The following EHF variants were observed in gnomAD, a reference collection of about 807,000 sequenced individuals.
The protein encoded by EHF is ETS homologous factor.
A neutral mutation model predicts 45.1 loss-of-function variants in EHF; 14 were observed. The observed-to-expected ratio is 0.31, with a 90% CI of 0.21 to 0.49. The LOEUF (loss-of-function observed/expected upper bound fraction) is 0.49, where lower values mean the gene tolerates loss of function less well. Among genes scored for constraint, EHF ranks in the 20% least tolerant of loss-of-function variants. The pLI, the probability that EHF is intolerant of heterozygous loss-of-function variation, is 0.99. For synonymous variants in EHF, 136 were observed against 131.8 expected (o/e 1.03, Z -0.22); for missense variants, 282 against 371.4 (o/e 0.76, Z 1.98).
chr11:34,660,687 C>T lies in EHF; in HGVS notation c.*1756C>T, dbSNP rs1447730728. On this transcript the variant is annotated 3_prime_UTR_variant, in exon 9 of 9. Coordinates refer to ENST00000257831, the MANE Select transcript of EHF (RefSeq NM_012153.6). ...CTTTTCTTTTTGGCTCTCTCATGTCCTTGGCTTGCTCCTCTATTCTACCTC... is the reference window on the plus strand; with the variant it reads ...CTTTTCTTTTTGGCTCTCTCATGTCTTTGGCTTGCTCCTCTATTCTACCTC... The T allele has an allele frequency of 2.0e-5, 3 of 152,094 alleles. No homozygotes were observed. In the East Asian group the frequency reaches 5.8e-4, roughly 29 times the overall value. The allele number at this position is 152,094 out of a possible 1,614,324, so 9.4% of individuals were successfully genotyped here. A position where few individuals can be genotyped will look rare whatever the true frequency, so the allele number is the denominator to read the frequency against.
chr11:34,652,761 T>G (rs1425628172), intron 6 of EHF, among the ~76,000 whole-genome samples: 1 of 152,202 alleles, frequency 6.6e-6, no homozygotes, highest in African/African-American at 2.4e-5. Flanking sequence ...TGTTTTTGCT[T>G]TTGAGAACTG....
chr11:34,637,970 C>T lies in EHF; in HGVS notation c.-3-4658C>T, dbSNP rs917713005. Reference sequence around the variant, plus strand: ...AGGCTGGAGTACAGTGGCTCGAGCTCGGCTCGCTGCAACCTCTGACTCCTG... The same window carrying T: ...AGGCTGGAGTACAGTGGCTCGAGCTTGGCTCGCTGCAACCTCTGACTCCTG... On this transcript the variant is annotated intron_variant, in intron 1 of 8. Transcript: ENST00000257831. Among the ~76,000 whole-genome samples the T allele has an allele frequency of 4.3e-4, 65 of 150,790 alleles. No individual in the cohort carries two copies. The East Asian group carries it at 6.8e-3, about 16-fold the overall frequency.
intron 2 of EHF, among the ~76,000 whole-genome samples, chr11:34,643,852 TG>T (rs1346774683): frequency 6.6e-6 from 1 of 152,238 alleles, no homozygotes; most frequent in Non-Finnish European, 1.5e-5. Flanking sequence ...GCATTTCTCC[TG>T]CTTGCTCTGG....
chr11:34,651,011 G>C (rs1855105675), intron 4 of EHF, among the ~76,000 whole-genome samples: 1 of 152,020 alleles, frequency 6.6e-6, no homozygotes, highest in South Asian at 2.1e-4. Context: ...GGAGGGGGCT[G>C]TCACCCAACT....
intron 6 of EHF, among the ~76,000 whole-genome samples, chr11:34,652,928 G>A (rs286896): frequency 0.3 from 45,674 of 152,108 alleles, 7,118 homozygotes; most frequent in East Asian, 0.54. Flanking sequence ...TTAGCATTAT[G>A]TGTCACTTGA....
At position 34,646,674 on chromosome 11, in the gene EHF, GA is replaced by G; in HGVS notation, c.335del (p.Lys112SerfsTer29). Reference protein sequence around the residue: ...QLLYSNLQHLKWNGQCSSDLF... With the variant: ...QLLYSNLQHLXWNGQCSSDLF... ...TCCTCTACAGCAACTTGCAGCATCT[GA>G]AGTGGAACGGTGACTCTCTCTTTCT... On this transcript the variant is annotated frameshift_variant, in exon 3 of 9. Transcript: ENST00000257831. LOFTEE classifies it high-confidence loss of function. 1 of 1,610,294 alleles carries G rather than the reference GA, an allele frequency of 6.2e-7. No individual in the cohort carries two copies. Among genetic ancestry groups the G allele is most frequent in the Non-Finnish European group, 8.5e-7 (1 of 1,179,972 alleles).
In EHF at chr11:34,656,927, A is replaced by G. The variant is rs756350184; in HGVS notation, c.564A>G (p.Lys188=). ...HLPVAESPDM[K]KEQDPPAKCH... The stretch of plus-strand genomic sequence containing the variant: ...CCTTAGCAGAGTCACCTGATATGAA[A>G]AAGGAGCAAGACCCCCCTGCCAAGT... Residue 188 remains lysine, a synonymous_variant, in exon 7 of 9, where the codon AAA becomes AAG. Coordinates refer to ENST00000257831, the MANE Select transcript of EHF (RefSeq NM_012153.6). The G allele has an allele frequency of 3.7e-6, 6 of 1,613,722 alleles. No homozygotes were observed. The highest frequency in any genetic ancestry group is 5.1e-6 in the Non-Finnish European group (6 of 1,179,798).
chr11:34,634,229 A>G (rs1853180390), intron 1 of EHF, among the ~76,000 whole-genome samples: 1 of 152,150 alleles, frequency 6.6e-6, no homozygotes, highest in African/African-American at 2.4e-5. Flanking sequence ...CTTTGAAACG[A>G]CAGTCATATT....
At chr11:34,633,712 T>C (rs1183897070) in intron 1 of EHF, among the ~76,000 whole-genome samples, 1 of 152,180 alleles carries the variant, frequency 6.6e-6, no homozygotes, top group Non-Finnish European at 1.5e-5. Context: ...AAAGCCTCTG[T>C]GATGTTTTAC....
intron 1 of EHF, chr11:34,624,279 A>G: frequency 1.0e-6 from 1 of 985,326 alleles, no homozygotes; most frequent in Non-Finnish European, 1.2e-6. Flanking sequence ...TGCCTTTGTT[A>G]CTGGGAAACC....
chr11:34,649,229 C>A lies in EHF; in HGVS notation c.406+148C>A, dbSNP rs897013323. 47 of 735,586 alleles carry A rather than the reference C, an allele frequency of 6.4e-5. 1 individual carries two copies. Among genetic ancestry groups the A allele is most frequent in the African/African-American group, 5.2e-5 (3 of 57,806 alleles). The allele number at this position is 735,586 out of a possible 1,614,324, so 45.6% of individuals were successfully genotyped here. The stretch of plus-strand genomic sequence containing the variant: ...CTGGCTGTCTCTGATGGGCCACCCC[C>A]ACCATGAATCTCATTCTTGCCCTTG... On this transcript the variant is annotated intron_variant, in intron 4 of 8. Coordinates refer to ENST00000257831, the MANE Select transcript of EHF (RefSeq NM_012153.6).
At chr11:34,644,865 G>A (rs565523963) in intron 2 of EHF, among the ~76,000 whole-genome samples, 12 of 152,328 alleles carry the variant, frequency 7.9e-5, no homozygotes, top group South Asian at 6.2e-4. Context: ...AATCAGAATC[G>A]GCATTTGAAC....
At chr11:34,657,036 C>T in intron 7 of EHF, 66 bp downstream of exon 7, 2 of 1,586,324 alleles carry the variant, frequency 1.3e-6, no homozygotes, top group Non-Finnish European at 1.7e-6. Context: ...CTGGAGGCCA[C>T]TAGTTTTTTG....
intron 6 of EHF, among the ~76,000 whole-genome samples, chr11:34,653,181 C>G (rs1040495064): frequency 3.6e-5 from 3 of 82,948 alleles, no homozygotes; most frequent in African/African-American, 1.2e-4. Context: ...TCCATCCTTC[C>G]ATCCTTCCAT....
chr11:34,626,797 G>T (rs774338289), intron 1 of EHF, among the ~76,000 whole-genome samples: 12 of 152,192 alleles, frequency 7.9e-5, no homozygotes, highest in Non-Finnish European at 1.8e-4. Flanking sequence ...GTGGTGTAAA[G>T]AACACTGGAC....
At chr11:34,647,475 G>C (rs1854676994) in intron 3 of EHF, among the ~76,000 whole-genome samples, 1 of 152,218 alleles carries the variant, frequency 6.6e-6, no homozygotes, top group Non-Finnish European at 1.5e-5. Context: ...TTGCAGAATG[G>C]TTTTGACACT....
chr11:34,637,226 A>G (rs959983534), intron 1 of EHF, among the ~76,000 whole-genome samples: 2 of 152,084 alleles, frequency 1.3e-5, no homozygotes, highest in Non-Finnish European at 2.9e-5. Context: ...GGTTAGACCA[A>G]GTGCTCTGTT....
chr11:34,629,817 T>G (rs1852704711), intron 1 of EHF, among the ~76,000 whole-genome samples: 1 of 152,020 alleles, frequency 6.6e-6, no homozygotes, highest in Non-Finnish European at 1.5e-5. Context: ...AGACATCAGG[T>G]GCTCTTCCAA....
chr11:34,648,442 C>T (rs1854800427), intron 3 of EHF, among the ~76,000 whole-genome samples: 1 of 151,952 alleles, frequency 6.6e-6, no homozygotes, highest in Non-Finnish European at 1.5e-5. Flanking sequence ...ATGTGTACTG[C>T]TTGTACATGT....
Sources: gnomAD v4.1 joint callset for allele counts (sites outside exome capture counted in the v4.1 genomes callset) on GRCh38, gnomAD v4.1.1 for gene constraint, MANE v1.5 for transcripts, NCBI Gene and HGNC (gene_info 2026-07-23, HGNC 2026-07-21) for gene names.